The following XPR1 variants were observed in gnomAD, a reference collection of about 807,000 sequenced individuals.
The protein encoded by XPR1 is solute carrier family 53 member 1.
Under a neutral mutation model 87.5 loss-of-function variants are expected in XPR1, and 28 were observed. The ratio of observed to expected loss-of-function variants is 0.32; its 90% confidence interval spans 0.24 to 0.44. The LOEUF is 0.44. Ranked by LOEUF, XPR1 falls within the 20% of genes least tolerant of loss-of-function variation. XPR1 has a pLI of 1.00. For synonymous variants in XPR1, 300 were observed against 306.1 expected (o/e 0.98, Z 0.21); for missense variants, 559 against 862.3 (o/e 0.65, Z 4.41).
chr1:180,745,088 T>G lies in XPR1; in HGVS notation c.122-42665T>G, dbSNP rs141646055. Among the ~76,000 whole-genome samples the G allele has an allele frequency of 4.5e-4, 69 of 152,340 alleles. 1 individual carries two copies. The highest frequency in any genetic ancestry group is 5.9e-4 in the Non-Finnish European group (40 of 68,038). ...GATATGGCCTACATGTGACCAGATA[T>G]GTGTCAGTTGCCTGGACAGCAGTAT... On this transcript the variant is annotated intron_variant, in intron 2 of 14. Coordinates refer to ENST00000367590, the MANE Select transcript of XPR1 (RefSeq NM_004736.4).
At chr1:180,787,286 G>GTTTTTTTTTTTTTTT (rs113585092) in intron 2 of XPR1, among the ~76,000 whole-genome samples, 2 of 146,372 alleles carry the variant, frequency 1.4e-5, no homozygotes, top group Non-Finnish European at 3.0e-5. Context: ...GGTTTTTTTT[G>GTTTTTTTTTTTTTTT]TTTTTTTTTT....
At chr1:180,792,929 T>A (rs1168832335) in intron 3 of XPR1, among the ~76,000 whole-genome samples, 1 of 152,168 alleles carries the variant, frequency 6.6e-6, no homozygotes, top group African/African-American at 2.4e-5. Context: ...AATATATGTG[T>A]TGCTTCTAAT....
intron 2 of XPR1, among the ~76,000 whole-genome samples, chr1:180,686,648 G>A (rs529121342): frequency 6.6e-6 from 1 of 152,156 alleles, no homozygotes; most frequent in South Asian, 2.1e-4. Flanking sequence ...TAAAATGAGA[G>A]TTGAGTGCAA....
At chr1:180,658,600 T>C (rs1655621610) in intron 1 of XPR1, among the ~76,000 whole-genome samples, 2 of 152,164 alleles carry the variant, frequency 1.3e-5, no homozygotes, top group Non-Finnish European at 2.9e-5. Context: ...GTCTCGCCAC[T>C]GTCTCCCAGG....
At chr1:180,879,966 A>G in intron 13 of XPR1, 110 bp from the exon 14 acceptor site, 2 of 1,169,616 alleles carry the variant, frequency 1.7e-6, no homozygotes, top group Middle Eastern at 2.0e-4. Flanking sequence ...CAAGCCCTTA[A>G]TTCTTTGTTT....
intron 2 of XPR1, among the ~76,000 whole-genome samples, chr1:180,691,130 GT>G (rs1325297774): frequency 6.6e-6 from 1 of 151,970 alleles, no homozygotes; most frequent in Admixed American, 6.6e-5. Context: ...AATTTTAAAG[GT>G]TTTTTGTTTT....
intron 7 of XPR1, among the ~76,000 whole-genome samples, chr1:180,812,923 A>G (rs949039119): frequency 2.0e-5 from 3 of 152,016 alleles, no homozygotes; most frequent in African/African-American, 7.3e-5. Flanking sequence ...GCTGGGGTTT[A>G]CAGGCATGAG....
chr1:180,831,362 CTTT>C (rs753235095), intron 9 of XPR1, among the ~76,000 whole-genome samples: 2 of 115,484 alleles, frequency 1.7e-5, no homozygotes, highest in Non-Finnish European at 3.7e-5. Flanking sequence ...TTTTCTTTTT[CTTT>C]TTTTTTTTTT....
At chr1:180,725,913 G>GTA (rs1658320502) in intron 2 of XPR1, among the ~76,000 whole-genome samples, 1 of 152,174 alleles carries the variant, frequency 6.6e-6, no homozygotes, top group Non-Finnish European at 1.5e-5. Flanking sequence ...GGCCCTGATA[G>GTA]TATCTACTTC....
intron 2 of XPR1, among the ~76,000 whole-genome samples, chr1:180,703,042 A>C (rs531082520): frequency 6.6e-6 from 1 of 152,238 alleles, no homozygotes; most frequent in East Asian, 1.9e-4. Flanking sequence ...TTATTTATGT[A>C]GCTTTAATTA....
intron 11 of XPR1, among the ~76,000 whole-genome samples, chr1:180,860,439 T>A (rs151005513): frequency 1.3e-4 from 20 of 152,222 alleles, no homozygotes; most frequent in African/African-American, 4.8e-4. Flanking sequence ...TGTCAAAAAC[T>A]GAAAACAGTC....
At chr1:180,654,039 G>C (rs190361872) in intron 1 of XPR1, among the ~76,000 whole-genome samples, 210 of 152,264 alleles carry the variant, frequency 1.4e-3, no homozygotes, top group Non-Finnish European at 2.3e-3. Flanking sequence ...CTGAGTCTCA[G>C]ATCTTCCAGT....
At chr1:180,827,153 C>CAA (rs11324246) in intron 9 of XPR1, among the ~76,000 whole-genome samples, 1,501 of 66,756 alleles carry the variant, frequency 0.022, 58 homozygotes, top group African/African-American at 0.081. Context: ...GACTCCTTCT[C>CAA]AAAAAAAAAA....
At chr1:180,810,596 T>C (rs1457175456) in intron 6 of XPR1, among the ~76,000 whole-genome samples, 1 of 151,848 alleles carries the variant, frequency 6.6e-6, no homozygotes. Flanking sequence ...AAAAAAATGC[T>C]ACCTCAGTAT....
chr1:180,818,407 G>T (rs1219531106), intron 7 of XPR1, among the ~76,000 whole-genome samples: 2 of 151,558 alleles, frequency 1.3e-5, no homozygotes, highest in Non-Finnish European at 2.9e-5. Flanking sequence ...AGGCTTTGGA[G>T]CCAGATTGTA....
At chr1:180,633,452 G>T (rs1315432428) in intron 1 of XPR1, among the ~76,000 whole-genome samples, 1 of 152,190 alleles carries the variant, frequency 6.6e-6, no homozygotes, top group African/African-American at 2.4e-5. Flanking sequence ...TTTTATATAA[G>T]TTTAGTGATA....
intron 1 of XPR1, among the ~76,000 whole-genome samples, chr1:180,645,233 C>T (rs185687705): frequency 1.2e-3 from 178 of 152,260 alleles, no homozygotes; most frequent in African/African-American, 3.9e-3. Flanking sequence ...CCATTCTTTC[C>T]CAGTTTGGGG....
intron 2 of XPR1, among the ~76,000 whole-genome samples, chr1:180,708,823 G>A (rs745507532): frequency 2.1e-5 from 3 of 144,544 alleles, no homozygotes; most frequent in Non-Finnish European, 3.0e-5. Flanking sequence ...ATGAAATGTC[G>A]AATTTGCATT....
intron 2 of XPR1, among the ~76,000 whole-genome samples, chr1:180,698,995 T>C (rs1657260665): frequency 2.0e-5 from 3 of 152,148 alleles, no homozygotes; most frequent in Admixed American, 1.3e-4. Context: ...CGGAGGACCT[T>C]TGTGGGTTGA....
Sources: gnomAD v4.1 joint callset for allele counts (sites outside exome capture counted in the v4.1 genomes callset) on GRCh38, gnomAD v4.1.1 for gene constraint, MANE v1.5 for transcripts, NCBI Gene and HGNC (gene_info 2026-07-23, HGNC 2026-07-21) for gene names.